The following GRIN2A variants were observed in gnomAD, a reference collection of about 807,000 sequenced individuals.
The protein encoded by GRIN2A is glutamate receptor ionotropic, NMDA 2A.
GRIN2A carries 22 observed loss-of-function variants against 113.4 expected under a neutral mutation model. The observed-to-expected ratio is 0.19, with a 90% CI of 0.14 to 0.28. The LOEUF (loss-of-function observed/expected upper bound fraction) is 0.28. Among genes scored for constraint, GRIN2A ranks in the 10% least tolerant of loss-of-function variants. GRIN2A has a pLI of 1.00. For missense variants in GRIN2A, 1,502 were observed against 1,887.0 expected (o/e 0.80, Z 3.78); for synonymous variants, 827 against 738.4 (o/e 1.12, Z -1.94).
chr16:9,938,350 G>A lies in GRIN2A; in HGVS notation c.616C>T (p.Leu206=). 6.2e-7 allele frequency: 1 copy of A among 1,614,072 alleles called. No homozygotes were observed. Among genetic ancestry groups the A allele is most frequent in the Non-Finnish European group, 8.5e-7 (1 of 1,179,946 alleles). Reference sequence around the variant, plus strand: ...TTTGCATCCTCAAAGGAAGTGTCCAGTGTGATCACATTCTGCATGTCCCAG... The same window carrying A: ...TTTGCATCCTCAAAGGAAGTGTCCAATGTGATCACATTCTGCATGTCCCAG... ...VGWDMQNVIT[L]DTSFEDAKTQ... The change falls in exon 3 of 13, where the codon CTG becomes TTG. Residue 206 remains leucine (L), a synonymous_variant. Transcript: ENST00000330684.
At chr16:10,092,950 T>C (rs867242690) in intron 2 of GRIN2A, among the ~76,000 whole-genome samples, 37 of 151,446 alleles carry the variant, frequency 2.4e-4, no homozygotes, top group African/African-American at 8.5e-4. Flanking sequence ...GCAATTCTCC[T>C]GCCTCAGCCT....
chr16:10,153,079 C>G (rs2049617280), intron 2 of GRIN2A, among the ~76,000 whole-genome samples: 1 of 152,162 alleles, frequency 6.6e-6, no homozygotes, highest in South Asian at 2.1e-4. Context: ...TTAATGTATA[C>G]TATGGACTTT....
chr16:9,829,780 C>A (rs2042455039), intron 8 of GRIN2A, 128 bp from the exon 9 acceptor site: 2 of 702,978 alleles, frequency 2.8e-6, no homozygotes, highest in Non-Finnish European at 5.3e-6. Flanking sequence ...ATAGTTGTGT[C>A]CTGTGATTGC....
At chr16:9,891,652 C>T (rs559451145) in intron 3 of GRIN2A, among the ~76,000 whole-genome samples, 7 of 152,052 alleles carry the variant, frequency 4.6e-5, no homozygotes, top group South Asian at 2.1e-4. Context: ...ATACAAGGGA[C>T]GGGAGAGTAT....
intron 11 of GRIN2A, among the ~76,000 whole-genome samples, chr16:9,773,743 T>C (rs941856623): frequency 2.0e-5 from 3 of 152,226 alleles, no homozygotes; most frequent in African/African-American, 7.2e-5. Flanking sequence ...GCACCTGTTC[T>C]TCCTATATCT....
At chr16:10,083,733 C>A (rs1240354811) in intron 2 of GRIN2A, among the ~76,000 whole-genome samples, 2 of 152,194 alleles carry the variant, frequency 1.3e-5, no homozygotes, top group East Asian at 3.8e-4. Flanking sequence ...TTCTTGAATT[C>A]TTTCTATGAA....
chr16:9,978,764 T>C (rs2045825255), intron 2 of GRIN2A, among the ~76,000 whole-genome samples: 1 of 152,188 alleles, frequency 6.6e-6, no homozygotes, highest in Non-Finnish European at 1.5e-5. Context: ...AGCAAGTTCC[T>C]CTGTATTCGG....
intron 2 of GRIN2A, among the ~76,000 whole-genome samples, chr16:9,949,086 C>A (rs1053358989): frequency 3.9e-5 from 6 of 152,198 alleles, no homozygotes. Context: ...CAGCTGCCGC[C>A]TCCTCTCTCC....
At chr16:10,051,625 T>A (rs1056896264) in intron 2 of GRIN2A, among the ~76,000 whole-genome samples, 1 of 152,192 alleles carries the variant, frequency 6.6e-6, no homozygotes, top group Non-Finnish European at 1.5e-5. Context: ...ACCATTCGAA[T>A]TGAATATTGC....
In GRIN2A at chr16:9,764,577, A is replaced by G. The variant is rs1474156887; in HGVS notation, c.2967T>C (p.Asn989=). 1.5e-5 allele frequency: 24 copies of G among 1,614,008 alleles called. No individual in the cohort carries two copies. The highest frequency in any genetic ancestry group is 2.0e-5 in the Non-Finnish European group (24 of 1,180,010). ...VFQGQHPLTL[N]ESNPNTVEVA... ...CCTCCACCGTGTTAGGGTTGGACTC[A>G]TTGAGAGTAAGAGGATGTTGTCCCT... The change falls in exon 13 of 13, where the codon AAT becomes AAC. Residue 989 remains asparagine, a synonymous_variant. Transcript: ENST00000330684.
At position 10,148,349 on chromosome 16, in the gene GRIN2A, G is replaced by A. The variant is rs1215737981; in HGVS notation, c.414+31649C>T. On this transcript the variant is annotated intron_variant, in intron 2 of 12. Transcript: ENST00000330684. ...CCATTTGTAGAAAAGTATGACCTAA[G>A]TTATCAGTTAATCATATTTCCTTAA... Among the ~76,000 whole-genome samples the A allele has an allele frequency of 6.6e-5, 10 of 152,126 alleles. No individual in the cohort carries two copies. The East Asian group carries it at 1.9e-3, about 29-fold the overall frequency.
intron 4 of GRIN2A, among the ~76,000 whole-genome samples, chr16:9,889,164 C>A (rs2043644648): frequency 6.6e-6 from 1 of 152,056 alleles, no homozygotes; most frequent in African/African-American, 2.4e-5. Flanking sequence ...CTATTCAGAT[C>A]GTCAATACCT....
At chr16:10,161,341 C>A (rs1221537166) in intron 2 of GRIN2A, among the ~76,000 whole-genome samples, 1 of 152,196 alleles carries the variant, frequency 6.6e-6, no homozygotes, top group Non-Finnish European at 1.5e-5. Flanking sequence ...GTCAATTAAA[C>A]CTTTTTCCTT....
intron 8 of GRIN2A, among the ~76,000 whole-genome samples, chr16:9,833,155 G>T (rs548565459): frequency 1.3e-5 from 2 of 152,122 alleles, no homozygotes; most frequent in Non-Finnish European, 2.9e-5. Context: ...ATGGCATAAC[G>T]TGTATGACAT....
At chr16:9,857,375 G>A (rs1033429393) in intron 4 of GRIN2A, among the ~76,000 whole-genome samples, 3 of 152,184 alleles carry the variant, frequency 2.0e-5, no homozygotes, top group Non-Finnish European at 4.4e-5. Flanking sequence ...CAGAGAAACT[G>A]GGCATTAGGT....
intron 2 of GRIN2A, among the ~76,000 whole-genome samples, chr16:10,125,907 AAGG>A (rs1209484016): frequency 6.6e-6 from 1 of 151,980 alleles, no homozygotes; most frequent in African/African-American, 2.4e-5. Flanking sequence ...CTCAGAGCAG[AAGG>A]AGGTCTGACA....
chr16:9,894,701 G>T (rs182307820), intron 3 of GRIN2A, among the ~76,000 whole-genome samples: 5 of 152,246 alleles, frequency 3.3e-5, no homozygotes, highest in Non-Finnish European at 5.9e-5. Flanking sequence ...CTGACATTTT[G>T]GTTCCATTTC....
intron 2 of GRIN2A, among the ~76,000 whole-genome samples, chr16:10,040,145 A>G (rs959510059): frequency 7.5e-5 from 2 of 26,822 alleles, no homozygotes; most frequent in African/African-American, 2.9e-4. Context: ...CACCACACAT[A>G]CACACTCGCA....
At chr16:9,822,047 A>G (rs1430807573) in intron 10 of GRIN2A, among the ~76,000 whole-genome samples, 2 of 152,132 alleles carry the variant, frequency 1.3e-5, no homozygotes, top group African/African-American at 2.4e-5. Flanking sequence ...GTGCATTTCA[A>G]AGCATCCTGG....
Sources: gnomAD v4.1 joint callset for allele counts (sites outside exome capture counted in the v4.1 genomes callset) on GRCh38, gnomAD v4.1.1 for gene constraint, MANE v1.5 for transcripts, NCBI Gene and HGNC (gene_info 2026-07-23, HGNC 2026-07-21) for gene names.